The following ILDR2 variants were observed in gnomAD, a reference collection of about 807,000 sequenced individuals.
ILDR2 encodes the protein immunoglobulin like domain containing receptor 2.
A neutral mutation model predicts 66.8 loss-of-function variants in ILDR2; 25 were observed. The ratio of observed to expected loss-of-function variants is 0.37; its 90% CI spans 0.27 to 0.52. The LOEUF (loss-of-function observed/expected upper bound fraction) is 0.52. Among genes scored for constraint, ILDR2 ranks in the 20% least tolerant of loss-of-function variants. The probability of loss-of-function intolerance (pLI) is 0.88; values close to 1 mark genes in which losing one functional copy is unlikely to be tolerated. For synonymous variants in ILDR2, 367 were observed against 357.2 expected, an observed-to-expected ratio of 1.03 and a Z score of -0.31; for missense variants, 827 against 876.8, an observed-to-expected ratio of 0.94 and a Z score of 0.72.
At chr1:166,941,117 T>C (rs183640141) in intron 3 of ILDR2, among the ~76,000 whole-genome samples, 9 of 152,320 alleles carry the variant, frequency 5.9e-5, no homozygotes, top group Admixed American at 3.3e-4. Flanking sequence ...TGGGTGATGG[T>C]CCCATATTTA....
intron 3 of ILDR2, among the ~76,000 whole-genome samples, chr1:166,951,698 C>T (rs1423484187): frequency 6.6e-6 from 1 of 152,162 alleles, no homozygotes; most frequent in Non-Finnish European, 1.5e-5. Flanking sequence ...GGAATTAATT[C>T]TGCCATCTAT....
At chr1:166,961,352 C>G (rs1440136374) in intron 1 of ILDR2, among the ~76,000 whole-genome samples, 1 of 152,142 alleles carries the variant, frequency 6.6e-6, no homozygotes, top group Non-Finnish European at 1.5e-5. Context: ...CTTGAGCAAG[C>G]CACTGGACTC....
At position 166,936,619 on chromosome 1, in the gene ILDR2, G is replaced by A; in HGVS notation, c.675C>T (p.Cys225=). 1 of 1,614,090 alleles carries A rather than the reference G, an allele frequency of 6.2e-7. No individual in the cohort carries two copies. The change falls in exon 5 of 10, where the codon TGC becomes TGT. Residue 225 remains cysteine (C), a synonymous_variant. Transcript: ENST00000271417. This position sits in a 1 kb window ranked among gnomAD's most constrained non-coding sequence, Gnocchi z 5.0. ...CTTGAGGGCAGCAGCAGGAATCTGG[G>A]CAGCATGGGCAGCGGACATAGCAGC... ...SCCCYVRCPC[C]PDSCCCPQAL...
chr1:166,939,027 TG>T (rs1432944790), intron 4 of ILDR2, among the ~76,000 whole-genome samples: 1 of 152,216 alleles, frequency 6.6e-6, no homozygotes, highest in African/African-American at 2.4e-5. Flanking sequence ...AATGTAGGTC[TG>T]CAAATTTGTA....
At chr1:166,919,526 G>T in intron 9 of ILDR2, 136 bp from the exon 10 acceptor site, 1 of 689,060 alleles carries the variant, frequency 1.5e-6, no homozygotes. Flanking sequence ...CCTTTCATTA[G>T]ACCTGTGATG....
chr1:166,968,880 C>G (rs1663116338), intron 1 of ILDR2, among the ~76,000 whole-genome samples: 1 of 152,050 alleles, frequency 6.6e-6, no homozygotes, highest in African/African-American at 2.4e-5. Flanking sequence ...CCATAGCTAC[C>G]CACAGCTGAC....
At chr1:166,933,546 C>A (rs1217031528) in intron 6 of ILDR2, 1 of 983,262 alleles carries the variant, frequency 1.0e-6, no homozygotes, top group East Asian at 1.1e-4. Flanking sequence ...GTTAGTATGG[C>A]AGAATGAGAC....
chr1:166,901,271 C>T (rs1230719304), intron 2 of ILDR2, among the ~76,000 whole-genome samples: 4 of 152,206 alleles, frequency 2.6e-5, no homozygotes, highest in African/African-American at 9.7e-5. Context: ...CTCCCTTCCT[C>T]TTGGGGGAGA....
chr1:166,924,833 A>G (rs751300627), intron 7 of ILDR2, among the ~76,000 whole-genome samples: 2 of 152,122 alleles, frequency 1.3e-5, no homozygotes, highest in South Asian at 2.1e-4. Context: ...TGGGAAACAT[A>G]GCAAGATCTT....
intron 3 of ILDR2, among the ~76,000 whole-genome samples, chr1:166,948,542 A>T (rs1423771155): frequency 6.6e-6 from 1 of 152,202 alleles, no homozygotes; most frequent in Non-Finnish European, 1.5e-5. Context: ...CCACTGAGAA[A>T]TGGGGGCTTC....
At chr1:166,927,548 AT>A (rs2101876790) in intron 6 of ILDR2, among the ~76,000 whole-genome samples, 1 of 152,336 alleles carries the variant, frequency 6.6e-6, no homozygotes, top group Non-Finnish European at 1.5e-5. Flanking sequence ...CACTTTCTAG[AT>A]TGAGGACATG....
Position 166,899,688 on chromosome 1 carries a change from T to C in ILDR2, n.172-3587A>G, listed in dbSNP as rs571962237. Among the ~76,000 whole-genome samples the C allele has an allele frequency of 6.6e-5, 10 of 152,364 alleles. 1 individual carries two copies. The East Asian group carries it at 1.7e-3, about 26-fold the overall frequency. On this transcript the variant is annotated intron_variant and non_coding_transcript_variant, in intron 2 of 2. Coordinates refer to the ILDR2 transcript ENST00000414590. Reference sequence around the variant, plus strand: ...TTTATGGCTCAGTTGATACCAAACATTCAAGCATTTAGATCTGCTTTTAAA... The same window carrying C: ...TTTATGGCTCAGTTGATACCAAACACTCAAGCATTTAGATCTGCTTTTAAA...
At chr1:166,963,729 C>G (rs1229713176) in intron 1 of ILDR2, among the ~76,000 whole-genome samples, 1 of 152,158 alleles carries the variant, frequency 6.6e-6, no homozygotes, top group African/African-American at 2.4e-5. Flanking sequence ...TATGCTCCAG[C>G]CATACTGAAA....
chr1:166,971,469 T>G (rs1663294574), intron 1 of ILDR2, among the ~76,000 whole-genome samples: 3 of 152,070 alleles, frequency 2.0e-5, no homozygotes, highest in Admixed American at 1.3e-4. Flanking sequence ...TGGTTTTTGG[T>G]TTTTGTTTTG....
rs1659409791 is a variant in ILDR2, at chr1:166,909,223, G to A, written c.*10132C>T. Reference sequence around the variant, plus strand: ...GCCTTTTGCCTGCTTGGTCAAATGAGCTGGAAAGTTGTGACTCTCAGACTG... The same window carrying A: ...GCCTTTTGCCTGCTTGGTCAAATGAACTGGAAAGTTGTGACTCTCAGACTG... On this transcript the variant is annotated 3_prime_UTR_variant, in exon 10 of 10. Transcript: ENST00000271417. 6.6e-6 allele frequency: 1 copy of A among 152,134 alleles called. No homozygotes were observed. Among genetic ancestry groups the A allele is most frequent in the South Asian group, 2.1e-4 (1 of 4,824 alleles). The allele number at this position is 152,134 out of a possible 1,614,324, so 9.4% of individuals were successfully genotyped here.
At chr1:166,951,077 A>G (rs1175886081) in intron 3 of ILDR2, among the ~76,000 whole-genome samples, 1 of 152,216 alleles carries the variant, frequency 6.6e-6, no homozygotes, top group Non-Finnish European at 1.5e-5. Flanking sequence ...AAATTGCCAG[A>G]GTTTCCTTTA....
In ILDR2 at chr1:166,936,709, C is replaced by T. The variant is rs1329414547; in HGVS notation, c.585G>A (p.Leu195=). The change falls in exon 5 of 10, where the codon CTG becomes CTA. Residue 195 remains leucine, a synonymous_variant. Coordinates refer to ENST00000271417, the MANE Select transcript of ILDR2 (RefSeq NM_199351.3). This position sits in a 1 kb window ranked among gnomAD's most constrained non-coding sequence, Gnocchi z 5.0. ...CCAGGACGAAGAAGAGGAAGACGCC[C>T]AGGAGCACCAGGCCAACAAACACCC... is the stretch of plus-strand genomic sequence containing the variant. The part of the protein sequence containing the change: ...PEWVFVGLVL[L]GVFLFFVLVG... 2 of 1,614,092 alleles carry T rather than the reference C, an allele frequency of 1.2e-6. No homozygotes were observed. The highest frequency in any genetic ancestry group is 1.1e-5 in the South Asian group (1 of 91,076).
chr1:166,909,760 A>ATATATAT lies in ILDR2; in HGVS notation c.*9594_*9595insATATATA, dbSNP rs1557921285. 1.9e-4 allele frequency: 12 copies of ATATATAT among 62,754 alleles called. No individual in the cohort carries two copies. Among genetic ancestry groups the ATATATAT allele is most frequent in the African/African-American group, 8.1e-4 (10 of 12,378 alleles). 3.9% of individuals were successfully genotyped at this position (62,754 alleles called of 1,614,324 possible). On this transcript the variant is annotated 3_prime_UTR_variant, in exon 10 of 10. Transcript: ENST00000271417. ...ACATATATATATATATATATATATA[A>ATATATAT]ATATATATAAATATATATATTTATA...
chr1:166,925,498 T>G (rs968749511), intron 7 of ILDR2, among the ~76,000 whole-genome samples: 1 of 152,160 alleles, frequency 6.6e-6, no homozygotes, highest in East Asian at 1.9e-4. Flanking sequence ...AGCTCTGACA[T>G]TCTAAAGTCC....
Sources: allele counts gnomAD v4.1 joint callset (sites outside exome capture counted in the v4.1 genomes callset), GRCh38; gene constraint gnomAD v4.1.1; non-coding constraint Gnocchi (gnomAD v3.1); transcripts MANE v1.5; gene names NCBI Gene and HGNC (gene_info 2026-07-23, HGNC 2026-07-21).